Variants in E4F1 observed in about 807,000 individuals in gnomAD.
The protein encoded by E4F1 is E4F transcription factor 1.
A neutral mutation model predicts 72.9 loss-of-function variants in E4F1; 30 were observed. The ratio of observed to expected loss-of-function variants is 0.41; its 90% CI spans 0.31 to 0.56. The LOEUF (loss-of-function observed/expected upper bound fraction) is 0.56. Ranked by LOEUF, E4F1 falls within the 20% of genes least tolerant of loss-of-function variation. The pLI, the probability that E4F1 is intolerant of heterozygous loss-of-function variation, is 0.25. For synonymous variants in E4F1, 542 were observed against 478.2 expected, an observed-to-expected ratio of 1.13 and a Z score of -1.74; for missense variants, 1,091 against 1,117.5, an observed-to-expected ratio of 0.98 and a Z score of 0.34.
rs770485404 is a variant in E4F1, at chr16:2,232,193, C to T, written c.438C>T (p.Val146=). ...DLVGGGHIKE[V]IVAAEAELGD... is the part of the protein sequence containing the mutation. ...TAGGTGGTGGGCACATCAAAGAGGT[C>T]ATCGTGGCTGCTGAGGCGGAGCTGG... Residue 146 remains valine (V), a synonymous_variant, in exon 4 of 14, where the codon GTC becomes GTT. Transcript: ENST00000301727. 8.1e-6 allele frequency: 13 copies of T among 1,612,334 alleles called. No homozygotes were observed. Among genetic ancestry groups the T allele is most frequent in the Non-Finnish European group, 1.0e-5 (12 of 1,179,920 alleles).
In E4F1 at chr16:2,233,939, G is replaced by A; in HGVS notation, c.1324G>A (p.Glu442Lys). The A allele has an allele frequency of 6.2e-7, 1 of 1,603,690 alleles. No homozygotes were observed. Among genetic ancestry groups the A allele is most frequent in the Non-Finnish European group, 8.5e-7 (1 of 1,175,574 alleles). Residue 442 changes from glutamate (E) to lysine (K), a missense_variant, in exon 9 of 14, where the codon GAG becomes AAG. Transcript: ENST00000301727. ...GACCCACCCATGTCCTCAGTGCAGT[G>A]AGACCTTCCCGACAGCAGCCACCCT... ...PRTHPCPQCS[E>K]TFPTAATLEA...
chr16:2,233,674 C>T (rs545657039), intron 8 of E4F1, 27 bp downstream of exon 8: 344 of 1,523,402 alleles, frequency 2.3e-4, no homozygotes, highest in Non-Finnish European at 2.8e-4. Flanking sequence ...CCTGCGGGCT[C>T]CTCCCAGGGC....
chr16:2,224,284 C>T (rs1313592641), intron 1 of E4F1, among the ~76,000 whole-genome samples: 1 of 152,256 alleles, frequency 6.6e-6, no homozygotes, highest in Non-Finnish European at 1.5e-5. Context: ...CAGTCCCACA[C>T]TTGCCGCTTT....
Position 2,233,571 on chromosome 16 carries a change from C to T in E4F1, c.1190C>T (p.Ala397Val), listed in dbSNP as rs1439203168. The change falls in exon 8 of 14, where the codon GCT (alanine) becomes GTT (valine). Residue 397 changes from alanine (A) to valine (V), a missense_variant. Coordinates refer to ENST00000301727, the MANE Select transcript of E4F1 (RefSeq NM_004424.5). ...GAGGGTGCCCTGGAGCCAGCTCCTG[C>T]TGCCGGGTCCAGTCCCCAGCCCCTG... ...GEEGALEPAP[A>V]AGSSPQPLAV... is the part of the protein sequence containing the mutation. 1.3e-6 allele frequency: 2 copies of T among 1,502,950 alleles called. No individual in the cohort carries two copies. The highest frequency in any genetic ancestry group is 2.4e-5 in the East Asian group (1 of 41,524). The allele number at this position is 1,502,950 out of a possible 1,614,324, so 93.1% of individuals were successfully genotyped here.
chr16:2,234,999 G>A lies in E4F1; in HGVS notation c.1933G>A (p.Glu645Lys), dbSNP rs148830665. Residue 645 changes from glutamate to lysine, a missense_variant and splice_region_variant, in exon 12 of 14, where the codon GAG becomes AAG. Glu to Lys is a moderately conservative substitution (Grantham distance 56). Around this residue, in one of 5 missense-constraint regions of E4F1, gnomAD observed 622 missense variants for 628.0 expected, o/e 0.99. Transcript: ENST00000301727. ...AGCTGACACCCAGGAGTATATCATCGAGGTGGGTGTGGGGCCCTGGGGCCG... is the reference window on the plus strand; with the variant it reads ...AGCTGACACCCAGGAGTATATCATCAAGGTGGGTGTGGGGCCCTGGGGCCG... ...VVADTQEYII[E>K]ATADDAETSE... 6.2e-6 allele frequency: 10 copies of A among 1,611,212 alleles called. No homozygotes were observed. The highest frequency in any genetic ancestry group is 1.7e-5 in the Admixed American group (1 of 59,762).
rs747632415 is a variant in E4F1, at chr16:2,234,303, T to C, written c.1508T>C (p.Ile503Thr). The change falls in exon 10 of 14, where the codon ATT becomes ACT. Residue 503 changes from isoleucine to threonine, a missense_variant. Coordinates refer to ENST00000301727, the MANE Select transcript of E4F1 (RefSeq NM_004424.5). ...GACTGCGGGAAGCTCTACAAGACCA[T>C]TGCCCATGTGCGTGGCCACCGGCGC... ...CGDCGKLYKT[I>T]AHVRGHRRVH... 1.9e-6 allele frequency: 3 copies of C among 1,612,976 alleles called. No individual in the cohort carries two copies. Among genetic ancestry groups the C allele is most frequent in the Non-Finnish European group, 2.5e-6 (3 of 1,179,980 alleles).
intron 2 of E4F1, among the ~76,000 whole-genome samples, chr16:2,228,829 C>A (rs1298445062): frequency 6.6e-6 from 1 of 152,216 alleles, no homozygotes; most frequent in Non-Finnish European, 1.5e-5. Flanking sequence ...ACCATGGCAG[C>A]TTCTGTCTCT....
At chr16:2,228,743 C>T (rs2093447799) in intron 2 of E4F1, among the ~76,000 whole-genome samples, 7 of 152,198 alleles carry the variant, frequency 4.6e-5, no homozygotes. Flanking sequence ...TTGGCAGCCT[C>T]TGGTCGAAGC....
At chr16:2,229,549 G>A (rs368979736) in intron 2 of E4F1, 21 bp from the exon 3 acceptor site, 7 of 1,605,494 alleles carry the variant, frequency 4.4e-6, no homozygotes, top group Non-Finnish European at 5.1e-6. Context: ...CGACTCCCCT[G>A]TTTTCTTCCC....
At chr16:2,226,469 G>A (rs1162140652) in intron 1 of E4F1, among the ~76,000 whole-genome samples, 1 of 152,226 alleles carries the variant, frequency 6.6e-6, no homozygotes, top group Non-Finnish European at 1.5e-5. Context: ...ACTCTGTTGG[G>A]TGGCCCCTGC....
intron 3 of E4F1, chr16:2,229,975 C>G (rs1231464523): frequency 2.8e-6 from 1 of 360,450 alleles, no homozygotes; most frequent in South Asian, 2.7e-5. Flanking sequence ...CCAGAATCTT[C>G]CCCACTTCCC....
intron 1 of E4F1, 37 bp downstream of exon 1, chr16:2,223,807 G>A: frequency 6.5e-7 from 1 of 1,536,030 alleles, no homozygotes; most frequent in Non-Finnish European, 8.7e-7. Flanking sequence ...GCCGGGGTGC[G>A]GGCAGTTCAT....
chr16:2,232,158 A>T lies in E4F1; in HGVS notation c.416-13A>T, dbSNP rs1294520676. 1.1e-5 allele frequency: 17 copies of T among 1,609,126 alleles called. No individual in the cohort carries two copies. The Middle Eastern group carries it at 9.9e-4, about 94-fold the overall frequency. Reference sequence around the variant, plus strand: ...GGCAGGTCCTGGGGCTTAGGCCCAGATGCTTCTCCTAGGTGGTGGGCACAT... The same window carrying T: ...GGCAGGTCCTGGGGCTTAGGCCCAGTTGCTTCTCCTAGGTGGTGGGCACAT... On this transcript the variant is annotated splice_polypyrimidine_tract_variant and intron_variant, in intron 3 of 13. Transcript: ENST00000301727.
intron 1 of E4F1, among the ~76,000 whole-genome samples, chr16:2,227,328 G>A (rs1011415716): frequency 1.3e-5 from 2 of 152,130 alleles, no homozygotes; most frequent in Non-Finnish European, 2.9e-5. Context: ...TCCTGCCTCA[G>A]CCTCTCGAAT....
intron 1 of E4F1, among the ~76,000 whole-genome samples, chr16:2,227,544 T>C (rs899767704): frequency 2.0e-5 from 3 of 152,178 alleles, no homozygotes; most frequent in Non-Finnish European, 4.4e-5. Context: ...GCTAAGTTTT[T>C]TGCATTTTTA....
At chr16:2,232,662 G>A in intron 5 of E4F1, 86 bp downstream of exon 5, 5 of 1,605,086 alleles carry the variant, frequency 3.1e-6, no homozygotes, top group East Asian at 2.2e-5. Flanking sequence ...CCCCAGCTTT[G>A]GGGGATGAGG....
At position 2,235,563 on chromosome 16, in the gene E4F1, C is replaced by A; in HGVS notation, c.2346C>A (p.Val782=). 1.3e-6 allele frequency: 2 copies of A among 1,593,000 alleles called. No homozygotes were observed. Among genetic ancestry groups the A allele is most frequent in the South Asian group, 2.2e-5 (2 of 89,016 alleles). The change falls in exon 14 of 14, where the codon GTC becomes GTA. Residue 782 remains valine (V), a synonymous_variant. Transcript: ENST00000301727. The part of the protein sequence containing the change: ...SPEGQLEVQT[V]IV ...AGGGCCAGCTGGAGGTGCAGACGGTCATCGTCTAGCATGAGGTCTGCGGGG... is the reference window on the plus strand; with the variant it reads ...AGGGCCAGCTGGAGGTGCAGACGGTAATCGTCTAGCATGAGGTCTGCGGGG...
intron 1 of E4F1, among the ~76,000 whole-genome samples, chr16:2,225,496 G>A (rs531668569): frequency 3.4e-5 from 5 of 148,888 alleles, no homozygotes; most frequent in Admixed American, 2.0e-4. Context: ...TTTTTGAGAC[G>A]GCGTTTCTCT....
chr16:2,233,416 CCT>C lies in E4F1; in HGVS notation c.1057-15_1057-14del, dbSNP rs1335047436. The C allele has an allele frequency of 1.7e-5, 26 of 1,504,612 alleles. No individual in the cohort carries two copies. The highest frequency in any genetic ancestry group is 2.3e-5 in the Non-Finnish European group (26 of 1,134,410). The allele number at this position is 1,504,612 out of a possible 1,614,324, so 93.2% of individuals were successfully genotyped here. Reference sequence around the variant, plus strand: ...GGATGCCAGGCTGCCTGGCCAGCCTCCTCTCTCTGCCTCCCCTGCAGCCCCCC... The same window carrying C: ...GGATGCCAGGCTGCCTGGCCAGCCTCCTCTCTGCCTCCCCTGCAGCCCCCC... On this transcript the variant is annotated intron_variant, in intron 7 of 13. Transcript: ENST00000301727.
Sources: gnomAD v4.1 joint callset for allele counts (sites outside exome capture counted in the v4.1 genomes callset) on GRCh38, gnomAD v4.1.1 for gene constraint, gnomAD v4.1.1 regional missense constraint, MANE v1.5 for transcripts, NCBI Gene and HGNC (gene_info 2026-07-23, HGNC 2026-07-21) for gene names.